Variants in GLT6D1 observed in about 807,000 individuals in gnomAD.
The protein encoded by GLT6D1 is glycosyltransferase 6 domain containing 1.
GLT6D1 carries 9 observed loss-of-function variants against 12.3 expected under a neutral mutation model. That is an observed-to-expected ratio of 0.73 (90% CI 0.44 to 1.27). The LOEUF is 1.27. Among genes scored for constraint, GLT6D1 ranks in the 50% most tolerant of loss-of-function variants. The probability of loss-of-function intolerance (pLI) is 0.00; values close to 1 mark genes in which losing one functional copy is unlikely to be tolerated. For missense variants in GLT6D1, 335 were observed against 346.2 expected (o/e 0.97, Z 0.26); for synonymous variants, 128 against 132.3 (o/e 0.97, Z 0.23).
At chr9:135,638,270 C>T (rs146390429) in intron 2 of GLT6D1, among the ~76,000 whole-genome samples, 64 of 152,312 alleles carry the variant, frequency 4.2e-4, no homozygotes, top group African/African-American at 1.2e-3. Context: ...TTACCTCCCC[C>T]GGGTCCCTCC....
intron 3 of GLT6D1, among the ~76,000 whole-genome samples, chr9:135,631,127 C>T (rs937583599): frequency 6.6e-6 from 1 of 152,210 alleles, no homozygotes; most frequent in Admixed American, 6.5e-5. Flanking sequence ...CCCCTGAGTG[C>T]TGCCACCAAA....
In GLT6D1 at chr9:135,624,065, G is replaced by T; in HGVS notation, c.*32C>A. ...TTGGATCTGTGGAGGAGGAGAAAAT[G>T]CAAGATCCCAGCTGTATGCTGGTGA... On this transcript the variant is annotated 3_prime_UTR_variant, in exon 5 of 5. Transcript: ENST00000371763. 1 of 1,410,480 alleles carries T rather than the reference G, an allele frequency of 7.1e-7. No homozygotes were observed. The highest frequency in any genetic ancestry group is 9.9e-7 in the Non-Finnish European group (1 of 1,010,000). 87.4% of individuals were successfully genotyped at this position (1,410,480 alleles called of 1,614,324 possible). A position where few individuals can be genotyped will look rare whatever the true frequency, so the allele number is the denominator to read the frequency against.
In GLT6D1 at chr9:135,623,705, G is replaced by A. The variant is rs949738538; in HGVS notation, c.*392C>T. ...TGAACTACTTTTCCATTTTATGAAT[G>A]TTTTTTCTCAACTAGAGTCTTTCTC... is the stretch of plus-strand genomic sequence containing the variant. On this transcript the variant is annotated 3_prime_UTR_variant, in exon 5 of 5. Transcript: ENST00000371763. 1 of 152,404 alleles carries A rather than the reference G, an allele frequency of 6.6e-6. No individual in the cohort carries two copies. Among genetic ancestry groups the A allele is most frequent in the African/African-American group, 2.6e-5 (1 of 38,718 alleles). 9.4% of individuals were successfully genotyped at this position (152,404 alleles called of 1,614,324 possible).
chr9:135,636,858 C>CT (rs952012413), intron 2 of GLT6D1, among the ~76,000 whole-genome samples: 54 of 151,656 alleles, frequency 3.6e-4, no homozygotes, highest in African/African-American at 9.2e-4. Context: ...TCTTTTTTTT[C>CT]TTTTTTTTGG....
At chr9:135,632,770 T>C (rs563437929) in intron 2 of GLT6D1, among the ~76,000 whole-genome samples, 3 of 151,192 alleles carry the variant, frequency 2.0e-5, no homozygotes, top group East Asian at 4.0e-4. Flanking sequence ...TGGGTTCAAG[T>C]GATTCTCCTG....
At chr9:135,631,617 G>C in intron 2 of GLT6D1, 139 bp from the exon 3 acceptor site, 1 of 708,700 alleles carries the variant, frequency 1.4e-6, no homozygotes, top group Non-Finnish European at 2.6e-6. Context: ...CCAGAGAAGA[G>C]ATATCTCAGC....
intron 4 of GLT6D1, among the ~76,000 whole-genome samples, chr9:135,625,635 C>T (rs556005251): frequency 1.7e-3 from 263 of 152,300 alleles, no homozygotes; most frequent in African/African-American, 5.7e-3. Flanking sequence ...CCTGAGCTCA[C>T]TAGGATTGCA....
chr9:135,631,357 G>C, intron 3 of GLT6D1, 74 bp downstream of exon 3: 1 of 1,180,758 alleles, frequency 8.5e-7, no homozygotes, highest in Non-Finnish European at 1.3e-6. Context: ...TGGTGACTGG[G>C]GAAGAAAAAC....
intron 2 of GLT6D1, among the ~76,000 whole-genome samples, chr9:135,631,737 T>C (rs1401575907): frequency 6.6e-6 from 1 of 152,064 alleles, no homozygotes; most frequent in Non-Finnish European, 1.5e-5. Context: ...AAGATTTTTT[T>C]AATAAAAGGA....
chr9:135,634,818 CCTCTTGA>C (rs1164772815), intron 2 of GLT6D1, among the ~76,000 whole-genome samples: 1 of 152,088 alleles, frequency 6.6e-6, no homozygotes, highest in Non-Finnish European at 1.5e-5. Context: ...TGCACAGGAT[CCTCTTGA>C]CTGCAGCCGC....
rs547628590 is a variant in GLT6D1, at chr9:135,624,633, C to A, written c.295G>T (p.Ala99Ser). 10 of 1,606,364 alleles carry A rather than the reference C, an allele frequency of 6.2e-6. No homozygotes were observed. The highest frequency in any genetic ancestry group is 4.0e-5 in the African/African-American group (3 of 74,608). ...TAGCCTGTCATGAAGTGCTTATTTG[C>A]GGAGTGTAGGAACGGCCTCAGGTAC... ...EEYLRPFLHS[A>S]NKHFMTGYRV... The change falls in exon 5 of 5, where the codon GCA becomes TCA. Residue 99 changes from alanine to serine, a missense_variant. By Grantham distance (99) the Ala-to-Ser change is moderately conservative. Transcript: ENST00000371763.
intron 3 of GLT6D1, among the ~76,000 whole-genome samples, chr9:135,626,530 G>A (rs1833523553): frequency 6.6e-6 from 1 of 152,198 alleles, no homozygotes; most frequent in Non-Finnish European, 1.5e-5. Context: ...CCCAGGAGCT[G>A]CCTTTTCCAA....
At chr9:135,624,724 C>CTTTTTTTTT (rs72471205) in intron 4 of GLT6D1, 54 bp from the exon 5 acceptor site, 117 of 565,522 alleles carry the variant, frequency 2.1e-4, no homozygotes, top group African/African-American at 9.9e-4. Context: ...TCTTTTCTTT[C>CTTTTTTTTT]TTTTTTTTTT....
intron 2 of GLT6D1, among the ~76,000 whole-genome samples, chr9:135,638,134 C>T (rs989379639): frequency 2.6e-5 from 4 of 152,276 alleles, no homozygotes; most frequent in African/African-American, 4.8e-5. Flanking sequence ...GCATGTCTTC[C>T]ATGGCAGCGG....
chr9:135,633,694 A>G (rs768631757), intron 2 of GLT6D1, among the ~76,000 whole-genome samples: 11 of 152,336 alleles, frequency 7.2e-5, no homozygotes, highest in Non-Finnish European at 1.3e-4. Context: ...GTTTCCCTGA[A>G]ATTCAAATGT....
At chr9:135,624,714 TC>T (rs371842118) in intron 4 of GLT6D1, 44 bp from the exon 5 acceptor site, 2 of 1,075,988 alleles carry the variant, frequency 1.9e-6, no homozygotes. Context: ...TTCTCTTTTT[TC>T]TTTTCTTTCT....
chr9:135,639,401 C>T lies in GLT6D1; in HGVS notation c.-115G>A, dbSNP rs1359950621. On this transcript the variant is annotated 5_prime_UTR_variant, in exon 1 of 5. Transcript: ENST00000371763. ...GGGCTGACTGTTCCCCGTGGGTCAG[C>T]TGCACGTGCACTGTCTCTCCCCGTG... The T allele has an allele frequency of 2.2e-6, 1 of 459,638 alleles. No homozygotes were observed. Among genetic ancestry groups the T allele is most frequent in the Non-Finnish European group, 3.9e-6 (1 of 256,912 alleles). The allele number at this position is 459,638 out of a possible 1,614,324, so 28.5% of individuals were successfully genotyped here. A position where few individuals can be genotyped will look rare whatever the true frequency, so the allele number is the denominator to read the frequency against.
chr9:135,629,320 T>A (rs925657083), intron 3 of GLT6D1, among the ~76,000 whole-genome samples: 31 of 152,332 alleles, frequency 2.0e-4, no homozygotes, highest in Non-Finnish European at 4.0e-4. Context: ...GTAGTGTTTT[T>A]ATTTTCAATC....
intron 2 of GLT6D1, among the ~76,000 whole-genome samples, chr9:135,632,893 C>G (rs1220257474): frequency 6.6e-6 from 1 of 152,148 alleles, no homozygotes; most frequent in Non-Finnish European, 1.5e-5. Flanking sequence ...GTCTCCAACT[C>G]CTGATCTCAA....
Sources: allele counts gnomAD v4.1 joint callset (sites outside exome capture counted in the v4.1 genomes callset), GRCh38; gene constraint gnomAD v4.1.1; transcripts MANE v1.5; gene names NCBI Gene and HGNC (gene_info 2026-07-23, HGNC 2026-07-21).